The following RASAL2 variants were observed in gnomAD, a reference collection of about 807,000 sequenced individuals.
RASAL2 encodes the protein RAS protein activator like 2.
Under a neutral mutation model 128.9 loss-of-function variants are expected in RASAL2, and 58 were observed. That is an observed-to-expected ratio of 0.45 (90% confidence interval 0.36 to 0.56). The LOEUF (loss-of-function observed/expected upper bound fraction) is 0.56, where lower values mean the gene tolerates loss of function less well. Ranked by LOEUF, RASAL2 falls within the 20% of genes least tolerant of loss-of-function variation. The pLI, the probability that RASAL2 is intolerant of heterozygous loss-of-function variation, is 0.00. For synonymous variants in RASAL2, 561 were observed against 580.8 expected, an observed-to-expected ratio of 0.97 and a Z score of 0.49; for missense variants, 1,360 against 1,601.6, an observed-to-expected ratio of 0.85 and a Z score of 2.57.
At chr1:178,108,047 G>C (rs1055844141) in intron 1 of RASAL2, among the ~76,000 whole-genome samples, 1 of 152,108 alleles carries the variant, frequency 6.6e-6, no homozygotes, top group African/African-American at 2.4e-5. Context: ...TACAGCAGCT[G>C]TATGTACCCT....
intron 1 of RASAL2, among the ~76,000 whole-genome samples, chr1:178,232,105 A>G (rs542265870): frequency 1.3e-5 from 2 of 152,172 alleles, no homozygotes; most frequent in African/African-American, 2.4e-5. Flanking sequence ...AGATGAAATC[A>G]TTTTTAAAAC....
rs1003111535 is a variant in RASAL2, at chr1:178,390,014, G to A, written c.458-86G>A. On this transcript the variant is annotated intron_variant, in intron 3 of 17. Transcript: ENST00000367649. ...TACCTTTAAAGCATGCTGGTTTATT[G>A]TGAAAAACCAGTAACTTTACAGTTC... 3 of 818,472 alleles carry A rather than the reference G, an allele frequency of 3.7e-6. No homozygotes were observed. In the African/African-American group the frequency reaches 5.2e-5, roughly 14 times the overall value. The allele number at this position is 818,472 out of a possible 1,614,324, so 50.7% of individuals were successfully genotyped here. A position where few individuals can be genotyped will look rare whatever the true frequency, so the allele number is the denominator to read the frequency against.
Position 178,445,142 on chromosome 1 carries a change from GA to G in RASAL2, c.1483-361del, listed in dbSNP as rs59313065. Among the ~76,000 whole-genome samples, 464 of 125,982 alleles carry G rather than the reference GA, an allele frequency of 3.7e-3. 3 individuals carry two copies. The highest frequency in any genetic ancestry group is 8.3e-3 in the Middle Eastern group (2 of 242). The allele number at this position is 125,982 out of a possible 152,430, so 82.6% of individuals were successfully genotyped here. A position where few individuals can be genotyped will look rare whatever the true frequency, so the allele number is the denominator to read the frequency against. On this transcript the variant is annotated intron_variant, in intron 8 of 17. Transcript: ENST00000367649. ...AGAGCAGAACTGAGAACAGTATTTG[GA>G]AAAAAAAAAAAAAAGGCTTTGTGGT...
In RASAL2 at chr1:178,251,654, C is replaced by T. The variant is rs560839698; in HGVS notation, c.203-31910C>T. Among the ~76,000 whole-genome samples the T allele has an allele frequency of 2.6e-5, 4 of 152,286 alleles. No homozygotes were observed. In the East Asian group the frequency reaches 7.7e-4, roughly 29 times the overall value. On this transcript the variant is annotated intron_variant, in intron 1 of 17. Coordinates refer to ENST00000367649, the MANE Select transcript of RASAL2 (RefSeq NM_170692.4). ...CTAGAACCTTGAAAGATCATGTAGC[C>T]TGTCCTGCCACAGTAGAATTGTATG...
At chr1:178,147,975 G>A (rs1036518744) in intron 1 of RASAL2, among the ~76,000 whole-genome samples, 1 of 152,116 alleles carries the variant, frequency 6.6e-6, no homozygotes, top group African/African-American at 2.4e-5. Context: ...GAAGGCGGAG[G>A]CAGGAGAATC....
intron 1 of RASAL2, among the ~76,000 whole-genome samples, chr1:178,141,817 CAAG>C (rs1399763566): frequency 2.6e-5 from 4 of 152,134 alleles, no homozygotes; most frequent in Admixed American, 6.5e-5. Flanking sequence ...ACAAACTTAA[CAAG>C]GAGGTTAAAG....
chr1:178,373,167 T>C (rs1671804136), intron 3 of RASAL2, among the ~76,000 whole-genome samples: 1 of 151,898 alleles, frequency 6.6e-6, no homozygotes, highest in Admixed American at 6.6e-5. Flanking sequence ...ATGGATAGTC[T>C]TCTGCCAGTC....
chr1:178,172,516 G>C (rs1288288295), intron 1 of RASAL2, among the ~76,000 whole-genome samples: 1 of 152,014 alleles, frequency 6.6e-6, no homozygotes, highest in African/African-American at 2.4e-5. Context: ...TTGCCCGCTT[G>C]TTGTAGCAAA....
chr1:178,219,609 G>A (rs1310132833), intron 1 of RASAL2, among the ~76,000 whole-genome samples: 1 of 147,138 alleles, frequency 6.8e-6, no homozygotes, highest in African/African-American at 2.5e-5. Flanking sequence ...TAGCCTAAGT[G>A]ACAGAGTGAG....
At chr1:178,200,952 T>C (rs541741025) in intron 1 of RASAL2, among the ~76,000 whole-genome samples, 30 of 152,230 alleles carry the variant, frequency 2.0e-4, no homozygotes, top group Middle Eastern at 3.4e-3. Flanking sequence ...GGCCGGTGCC[T>C]GGCAAGACAC....
rs186766502 is a variant in RASAL2 at position 178,326,455 on chromosome 1, C to T, written c.457+26337C>T. ...TTCAAAATTTATTGTATACTATTTA[C>T]ATTTTATTTATAATAATGCTCTGCT... On this transcript the variant is annotated intron_variant, in intron 3 of 17. Coordinates refer to ENST00000367649, the MANE Select transcript of RASAL2 (RefSeq NM_170692.4). Among the ~76,000 whole-genome samples, 6 of 152,260 alleles carry T rather than the reference C, an allele frequency of 3.9e-5. No homozygotes were observed. The South Asian group carries it at 1.0e-3, about 26-fold the overall frequency.
chr1:178,448,540 A>G (rs1467097942), intron 9 of RASAL2, among the ~76,000 whole-genome samples: 2 of 152,206 alleles, frequency 1.3e-5, no homozygotes, highest in South Asian at 2.1e-4. Context: ...GAATGGTACA[A>G]AGAGCTTAAG....
At chr1:178,350,814 C>G (rs1282839312) in intron 3 of RASAL2, among the ~76,000 whole-genome samples, 1 of 152,124 alleles carries the variant, frequency 6.6e-6, no homozygotes, top group East Asian at 1.9e-4. Context: ...TTTTTCAAAG[C>G]CAGTGAGAGA....
At chr1:178,472,986 G>A (rs2102974849) in intron 17 of RASAL2, 89 bp from the exon 18 acceptor site, 2 of 1,458,880 alleles carry the variant, frequency 1.4e-6, no homozygotes, top group East Asian at 2.3e-5. Context: ...ACAACTGTTT[G>A]AGAGAAAGCA....
At chr1:178,384,936 G>A (rs1213006384) in intron 3 of RASAL2, among the ~76,000 whole-genome samples, 2 of 151,874 alleles carry the variant, frequency 1.3e-5, no homozygotes, top group South Asian at 2.1e-4. Flanking sequence ...TATGACCTTC[G>A]GTTAAACGAG....
chr1:178,203,051 C>T (rs577379795), intron 1 of RASAL2, among the ~76,000 whole-genome samples: 1 of 152,172 alleles, frequency 6.6e-6, no homozygotes, highest in South Asian at 2.1e-4. Context: ...GGTGACAGGT[C>T]GATTATATTG....
In RASAL2 at chr1:178,475,926, A is replaced by G. The variant is rs533737102; in HGVS notation, c.*2687A>G. The G allele has an allele frequency of 3.3e-5, 5 of 152,358 alleles. No homozygotes were observed. The highest frequency in any genetic ancestry group is 1.9e-4 in the East Asian group (1 of 5,192). 9.4% of individuals were successfully genotyped at this position (152,358 alleles called of 1,614,324 possible). ...CTACTCCTGTCCAACCTTTTTTCTC[A>G]GTATTTCTTTAGAGAATGCTGCAAT... On this transcript the variant is annotated 3_prime_UTR_variant, in exon 18 of 18. Transcript: ENST00000367649.
At position 178,298,292 on chromosome 1, in the gene RASAL2, G is replaced by A. The variant is rs576358176; in HGVS notation, c.331-1700G>A. Among the ~76,000 whole-genome samples, 7 of 152,268 alleles carry A rather than the reference G, an allele frequency of 4.6e-5. No homozygotes were observed. In the South Asian group the frequency reaches 1.5e-3, roughly 32 times the overall value. On this transcript the variant is annotated intron_variant, in intron 2 of 17. Coordinates refer to ENST00000367649, the MANE Select transcript of RASAL2 (RefSeq NM_170692.4). ...ACAGAGTACTTTTGGAAGACTTCAT[G>A]TCTTTATTGATGCTATTTTTTGGCC...
chr1:178,110,903 A>G (rs1659296847), intron 1 of RASAL2, among the ~76,000 whole-genome samples: 1 of 151,478 alleles, frequency 6.6e-6, no homozygotes, highest in Non-Finnish European at 1.5e-5. Flanking sequence ...GCCATACTGT[A>G]TTGTTTTTTA....
Sources: allele counts gnomAD v4.1 joint callset (sites outside exome capture counted in the v4.1 genomes callset), GRCh38; gene constraint gnomAD v4.1.1; transcripts MANE v1.5; gene names NCBI Gene and HGNC (gene_info 2026-07-23, HGNC 2026-07-21).